The following PTPRG variants were observed in gnomAD, a reference collection of about 807,000 sequenced individuals.
PTPRG encodes the protein receptor-type tyrosine-protein phosphatase gamma.
PTPRG carries 102 observed loss-of-function variants against 165.3 expected under a neutral mutation model. That is an observed-to-expected ratio of 0.62 (90% CI 0.53 to 0.73). The LOEUF (loss-of-function observed/expected upper bound fraction) is 0.73. Ranked by LOEUF, PTPRG falls within the 30% of genes least tolerant of loss-of-function variation. The pLI is 0.00. For synonymous variants in PTPRG, 675 were observed against 669.5 expected (o/e 1.01, Z -0.13); for missense variants, 1,866 against 1,861.4 (o/e 1.00, Z -0.05).
chr3:61,629,276 T>A (rs562545769), intron 1 of PTPRG, among the ~76,000 whole-genome samples: 1 of 152,270 alleles, frequency 6.6e-6, no homozygotes, highest in African/African-American at 2.4e-5. Flanking sequence ...TGCCTCAGCC[T>A]CCTGAGTAGC....
chr3:61,600,693 C>T (rs908171067), intron 1 of PTPRG, among the ~76,000 whole-genome samples: 4 of 152,080 alleles, frequency 2.6e-5, no homozygotes, highest in Admixed American at 2.0e-4. Context: ...GTGTGCACTA[C>T]CATGCCTGGC....
At chr3:62,027,137 T>C (rs4446199) in intron 4 of PTPRG, among the ~76,000 whole-genome samples, 85,116 of 151,602 alleles carry the variant, frequency 0.56, 24,839 homozygotes, top group African/African-American at 0.73. Context: ...TCTCCATGGC[T>C]AGTTAGTAGA....
At chr3:61,683,224 G>A (rs181704051) in intron 1 of PTPRG, among the ~76,000 whole-genome samples, 64 of 152,298 alleles carry the variant, frequency 4.2e-4, no homozygotes, top group African/African-American at 1.2e-3. Context: ...CACAATGGCC[G>A]AAGACAGCTG....
chr3:61,768,023 C>T (rs558087922), intron 2 of PTPRG, among the ~76,000 whole-genome samples: 29 of 149,764 alleles, frequency 1.9e-4, no homozygotes, highest in African/African-American at 2.7e-4. Context: ...TCTCTCACTA[C>T]GGAACAGAAT....
chr3:61,973,494 T>C (rs748946749), intron 2 of PTPRG, among the ~76,000 whole-genome samples: 1 of 152,136 alleles, frequency 6.6e-6, no homozygotes, highest in Non-Finnish European at 1.5e-5. Context: ...ATTAATCGTA[T>C]TTTTTATGCA....
intron 2 of PTPRG, among the ~76,000 whole-genome samples, chr3:61,829,573 T>C (rs2036213354): frequency 6.6e-6 from 1 of 152,268 alleles, no homozygotes; most frequent in South Asian, 2.1e-4. Flanking sequence ...CCCTTCCTGC[T>C]GTCTCTTTCT....
At chr3:61,827,905 G>A (rs935104795) in intron 2 of PTPRG, among the ~76,000 whole-genome samples, 1 of 152,056 alleles carries the variant, frequency 6.6e-6, no homozygotes, top group East Asian at 1.9e-4. Flanking sequence ...TAGTGCATTA[G>A]CTCATATATA....
chr3:62,233,212 C>T lies in PTPRG; in HGVS notation c.2375+1901C>T, dbSNP rs1273527948. Among the ~76,000 whole-genome samples the T allele has an allele frequency of 6.6e-6, 1 of 152,160 alleles. No individual in the cohort carries two copies. The highest frequency in any genetic ancestry group is 2.4e-5 in the African/African-American group (1 of 41,436). On this transcript the variant is annotated intron_variant, in intron 14 of 29. Coordinates refer to ENST00000474889, the MANE Select transcript of PTPRG (RefSeq NM_002841.4). This position sits in a 1 kb window ranked among gnomAD's most constrained non-coding sequence, Gnocchi z 4.7. ...TGAGCAGTACCCCCTCTCACAGCTACATGTGCTATGCTAAGTACTCCATGA... is the reference window on the plus strand; with the variant it reads ...TGAGCAGTACCCCCTCTCACAGCTATATGTGCTATGCTAAGTACTCCATGA...
chr3:62,108,806 CT>C (rs1702564666), intron 5 of PTPRG, among the ~76,000 whole-genome samples: 1 of 152,116 alleles, frequency 6.6e-6, no homozygotes, highest in Non-Finnish European at 1.5e-5. Flanking sequence ...TGATGATGAG[CT>C]TTTTTCCATG....
At chr3:61,599,800 G>A (rs1700801250) in intron 1 of PTPRG, among the ~76,000 whole-genome samples, 1 of 152,132 alleles carries the variant, frequency 6.6e-6, no homozygotes, top group East Asian at 1.9e-4. Flanking sequence ...GGCTGATCCT[G>A]CATTCTTCAC....
intron 15 of PTPRG, among the ~76,000 whole-genome samples, chr3:62,244,307 G>A (rs1701239760): frequency 6.6e-6 from 1 of 152,168 alleles, no homozygotes; most frequent in East Asian, 1.9e-4. Context: ...ATACATTACT[G>A]GTCTGGTGGA....
chr3:62,144,429 C>A (rs1704044425), intron 6 of PTPRG, among the ~76,000 whole-genome samples: 1 of 152,178 alleles, frequency 6.6e-6, no homozygotes, highest in Non-Finnish European at 1.5e-5. Flanking sequence ...AAGAAATCCT[C>A]CAAATTATTT....
At chr3:61,720,097 G>T (rs1355468148) in intron 1 of PTPRG, among the ~76,000 whole-genome samples, 5 of 151,920 alleles carry the variant, frequency 3.3e-5, no homozygotes, top group Admixed American at 3.3e-4. Context: ...CTGCTTAGGG[G>T]GTAAACACCA....
chr3:61,856,939 C>T (rs1031709166), intron 2 of PTPRG, among the ~76,000 whole-genome samples: 1 of 152,192 alleles, frequency 6.6e-6, no homozygotes, highest in Admixed American at 6.5e-5. Context: ...TGACTGCTGT[C>T]GCTCAAGCTG....
intron 2 of PTPRG, among the ~76,000 whole-genome samples, chr3:61,825,121 C>G (rs533180094): frequency 1.3e-5 from 2 of 152,228 alleles, no homozygotes; most frequent in East Asian, 1.9e-4. Flanking sequence ...TAAGAATATT[C>G]GAGATACATC....
chr3:61,696,812 C>T (rs1339347679), intron 1 of PTPRG, among the ~76,000 whole-genome samples: 1 of 152,154 alleles, frequency 6.6e-6, no homozygotes, highest in Non-Finnish European at 1.5e-5. Context: ...ACGTATTTTT[C>T]ATGCTTCAAT....
chr3:61,668,486 C>T (rs1329411828), intron 1 of PTPRG, among the ~76,000 whole-genome samples: 1 of 152,174 alleles, frequency 6.6e-6, no homozygotes, highest in Non-Finnish European at 1.5e-5. Context: ...AGAATAGAAA[C>T]TGACAGGCCC....
chr3:61,890,412 G>GTTTTTTTTTTTT lies in PTPRG; in HGVS notation c.191-99203_191-99202insTTTTTTTTTTTT, dbSNP rs1388100597. Among the ~76,000 whole-genome samples, 96 of 95,334 alleles carry GTTTTTTTTTTTT rather than the reference G, an allele frequency of 1.0e-3. 4 individuals are homozygous for GTTTTTTTTTTTT. Among genetic ancestry groups the GTTTTTTTTTTTT allele is most frequent in the African/African-American group, 1.1e-3 (25 of 21,876 alleles). 62.5% of individuals were successfully genotyped at this position (95,334 alleles called of 152,430 possible). ...GTTTTGGGCGGGTTTCTTGTTCTTT[G>GTTTTTTTTTTTT]TTTTTTTTTTGTTTTTTTTTTTTTT... On this transcript the variant is annotated intron_variant, in intron 2 of 29. Coordinates refer to ENST00000474889, the MANE Select transcript of PTPRG (RefSeq NM_002841.4).
chr3:61,761,043 C>T (rs2033816782), intron 2 of PTPRG, among the ~76,000 whole-genome samples: 1 of 152,152 alleles, frequency 6.6e-6, no homozygotes, highest in African/African-American at 2.4e-5. Context: ...CTATTGTGCA[C>T]AGTGCTGCGA....
Sources: gnomAD v4.1 joint callset for allele counts (sites outside exome capture counted in the v4.1 genomes callset) on GRCh38, gnomAD v4.1.1 for gene constraint, Gnocchi (gnomAD v3.1) non-coding constraint, MANE v1.5 for transcripts, NCBI Gene and HGNC (gene_info 2026-07-23, HGNC 2026-07-21) for gene names.